PLEC: variants seen among roughly 807,000 people sequenced by gnomAD.
The protein encoded by PLEC is plectin.
In PLEC, 216 loss-of-function variants were observed where a neutral mutation model predicts 392.8. The observed-to-expected ratio is 0.55, with a 90% CI of 0.49 to 0.62. The LOEUF is 0.62. Among genes scored for constraint, PLEC ranks in the 20% least tolerant of loss-of-function variants. PLEC has a pLI of 0.00. For synonymous variants in PLEC, 3,621 were observed against 2,980.6 expected (o/e 1.21, Z -7.00); for missense variants, 6,863 against 6,563.4 (o/e 1.05, Z -1.58).
intron 12 of PLEC, 82 bp from the exon 13 acceptor site, chr8:143,933,433 A>T: frequency 6.4e-7 from 1 of 1,552,586 alleles, no homozygotes; most frequent in South Asian, 1.1e-5. Flanking sequence ...GGCCACCCTC[A>T]GCCGCTTCCT....
chr8:143,946,758 C>T (rs1554732511), intron 1 of PLEC, among the ~76,000 whole-genome samples: 2 of 134,528 alleles, frequency 1.5e-5, no homozygotes, highest in South Asian at 2.9e-4. Context: ...CCTGCCCTCC[C>T]ACCCTCCCAC....
chr8:143,930,151 C>T lies in PLEC; in HGVS notation c.2605G>A (p.Val869Ile), dbSNP rs782050689. ...PPPNQEAQEA[V>I]TRLEAQHQAL... is the part of the protein sequence containing the mutation. ...TGAGCCCCCGCCACCCACCTGGTGA[C>T]GGCCTCCTGGGCCTCCTGGTTGGGC... Residue 869 changes from valine (V) to isoleucine (I), a missense_variant, in exon 21 of 32, where the codon GTC becomes ATC. By Grantham distance (29) the Val-to-Ile change is conservative. Transcript: ENST00000345136. 2.7e-5 allele frequency: 43 copies of T among 1,583,602 alleles called. No homozygotes were observed. Among genetic ancestry groups the T allele is most frequent in the African/African-American group, 9.4e-5 (7 of 74,556 alleles).
At chr8:143,959,081 G>C (rs1357501268) in intron 1 of PLEC, among the ~76,000 whole-genome samples, 4 of 152,316 alleles carry the variant, frequency 2.6e-5, no homozygotes, top group African/African-American at 9.6e-5. Context: ...TAGCACAGCG[G>C]GGCACCCTCC....
chr8:143,919,489 G>A lies in PLEC; in HGVS notation c.10332C>T (p.Thr3444=), dbSNP rs782488401. The change falls in exon 32 of 32, where the codon ACC becomes ACT. Residue 3444 remains threonine, a synonymous_variant. Coordinates refer to ENST00000345136, the MANE Select transcript of PLEC (RefSeq NM_201384.3). The part of the protein sequence containing the change: ...TGYRDPYSGS[T]ISLFQAMQKG... ...TCTGCATGGCCTGGAAGAGGGAGAT[G>A]GTGCTGCCCGAGTAGGGGTCTCTGT... The A allele has an allele frequency of 6.8e-6, 11 of 1,613,136 alleles. No homozygotes were observed. The highest frequency in any genetic ancestry group is 1.3e-5 in the African/African-American group (1 of 75,058).
chr8:143,927,588 G>A lies in PLEC; in HGVS notation c.3578C>T (p.Ala1193Val). 3 of 1,588,410 alleles carry A rather than the reference G, an allele frequency of 1.9e-6. No individual in the cohort carries two copies. In the South Asian group the frequency reaches 3.3e-5, roughly 18 times the overall value. ...CTCGCGCTGCCGCACGTCGGTCTGGGCCAGCACAGCCTGCCAGCGCTCAAG... is the reference window on the plus strand; with the variant it reads ...CTCGCGCTGCCGCACGTCGGTCTGGACCAGCACAGCCTGCCAGCGCTCAAG... ...QLLERWQAVL[A>V]QTDVRQRELE... The change falls in exon 27 of 32, where the codon GCC (alanine) becomes GTC (valine). Residue 1193 changes from alanine to valine, a missense_variant. By Grantham distance (64) the Ala-to-Val change is moderately conservative. Transcript: ENST00000345136.
At position 143,920,045 on chromosome 8, in the gene PLEC, G is replaced by C; in HGVS notation, c.9776C>G (p.Ser3259Cys). ...CCGCTGCTCCGCAGTGAAGTACTCA[G>C]AGCTGATGAGCTCCCACACCGTCAC... is the stretch of plus-strand genomic sequence containing the variant. ...RTVTVWELISSEYFTAEQRQE... is the reference protein window; with the variant it reads ...RTVTVWELISCEYFTAEQRQE... The change falls in exon 32 of 32, where the codon TCT becomes TGT. Residue 3259 changes from serine (S) to cysteine (C), a missense_variant. Coordinates refer to ENST00000345136, the MANE Select transcript of PLEC (RefSeq NM_201384.3). The C allele has an allele frequency of 6.2e-7, 1 of 1,613,344 alleles. No individual in the cohort carries two copies. Among genetic ancestry groups the C allele is most frequent in the Non-Finnish European group, 8.5e-7 (1 of 1,180,034 alleles).
At chr8:143,943,017 G>A (rs1830791565), upstream of PLEC, among the ~76,000 whole-genome samples, 3 of 152,208 alleles carry the variant, frequency 2.0e-5, no homozygotes, top group South Asian at 4.1e-4. Flanking sequence ...CAAAAACATG[G>A]ATGGGGAAGA....
rs1554691452 is a variant in PLEC, at chr8:143,923,141, T to G, written c.6788A>C (p.Gln2263Pro). The G allele has an allele frequency of 6.2e-7, 1 of 1,603,376 alleles. No homozygotes were observed. The highest frequency in any genetic ancestry group is 2.2e-5 in the East Asian group (1 of 44,860). Reference sequence around the variant, plus strand: ...CTCAGCCTCCTCCTGCAGGAAGCGCTGCGTATTGTCCTTGTCACGCAAGAT... The same window carrying G: ...CTCAGCCTCCTCCTGCAGGAAGCGCGGCGTATTGTCCTTGTCACGCAAGAT... ...ALILRDKDNTQRFLQEEAEKM... is the reference protein window; with the variant it reads ...ALILRDKDNTPRFLQEEAEKM... Residue 2263 changes from glutamine to proline, a missense_variant, in exon 31 of 32, where the codon CAG becomes CCG. Coordinates refer to ENST00000345136, the MANE Select transcript of PLEC (RefSeq NM_201384.3).
Position 143,930,367 on chromosome 8 carries a change from C to T in PLEC, c.2457+17G>A, listed in dbSNP as rs1482122926. ...TGCCTGGCCACGCCCCCCAGTGGAC[C>T]CCCGGCCTGCGCTCACCTCCACCTG... On this transcript the variant is annotated intron_variant, in intron 20 of 31. Transcript: ENST00000345136. 3.2e-6 allele frequency: 5 copies of T among 1,574,834 alleles called. No individual in the cohort carries two copies. In the African/African-American group the frequency reaches 6.7e-5, roughly 21 times the overall value.
intron 1 of PLEC, among the ~76,000 whole-genome samples, chr8:143,963,888 C>T (rs1832972696): frequency 6.6e-6 from 1 of 150,914 alleles, no homozygotes; most frequent in Admixed American, 6.6e-5. Context: ...TCTCGGCCCA[C>T]TGAAACCTCT....
rs559126688 is a variant in PLEC, at chr8:143,937,253, G to A, written c.265-11C>T. 1.2e-6 allele frequency: 2 copies of A among 1,604,120 alleles called. No homozygotes were observed. The highest frequency in any genetic ancestry group is 3.3e-5 in the Admixed American group (2 of 59,990). On this transcript the variant is annotated splice_polypyrimidine_tract_variant and intron_variant, in intron 3 of 31. Transcript: ENST00000345136. The stretch of plus-strand genomic sequence containing the variant: ...CCCCTTCTCCCGGGGCTGTGGGGAG[G>A]CACAGTCAGCACCCACAGTGCAGCT...
rs559437791 is a variant in PLEC, at chr8:143,923,487, G to A, written c.6442C>T (p.Arg2148Trp). ...LRKEAEQEAARRAQAEQAALR... is the reference protein window; with the variant it reads ...LRKEAEQEAAWRAQAEQAALR... ...GCCGCCTGCTCCGCCTGTGCCCGCC[G>A]CGCCGCCTCTTGCTCGGCCTCCTTG... The change falls in exon 31 of 32, where the codon CGG becomes TGG. Residue 2148 changes from arginine to tryptophan, a missense_variant. Transcript: ENST00000345136. 2.5e-5 allele frequency: 40 copies of A among 1,601,194 alleles called. No homozygotes were observed. Among genetic ancestry groups the A allele is most frequent in the South Asian group, 1.2e-4 (11 of 90,622 alleles).
At position 143,926,866 on chromosome 8, in the gene PLEC, G is replaced by A. The variant is rs782146862; in HGVS notation, c.3962C>T (p.Thr1321Met). 63 of 1,613,200 alleles carry A rather than the reference G, an allele frequency of 3.9e-5. No individual in the cohort carries two copies. Among genetic ancestry groups the A allele is most frequent in the South Asian group, 2.3e-4 (21 of 91,086 alleles). Reference sequence around the variant, plus strand: ...CAGTGTGGTCAGCTCGCTGTAGTGCGTACGCAGGTCCACGTACTGTGGAGT... The same window carrying A: ...CAGTGTGGTCAGCTCGCTGTAGTGCATACGCAGGTCCACGTACTGTGGAGT... ...SVIQEYVDLRTHYSELTTLTS... is the reference protein window; with the variant it reads ...SVIQEYVDLRMHYSELTTLTS... Residue 1321 changes from threonine (T) to methionine (M), a missense_variant, in exon 30 of 32, where the codon ACG becomes ATG. Physicochemically the swap from Thr to Met is moderately conservative, Grantham distance 81. Transcript: ENST00000345136.
At chr8:143,934,170 G>A (rs528491535) in intron 11 of PLEC, 79 bp from the exon 12 acceptor site, 43 of 1,585,372 alleles carry the variant, frequency 2.7e-5, no homozygotes, top group African/African-American at 2.1e-4. Context: ...CTCGCCTCCC[G>A]CTCCGGTCTC....
Position 143,969,912 on chromosome 8 carries a change from GC to G in PLEC, c.70+3490del. Among the ~76,000 whole-genome samples the G allele has an allele frequency of 6.6e-6, 1 of 151,988 alleles. No individual in the cohort carries two copies. Among genetic ancestry groups the G allele is most frequent in the East Asian group, 1.9e-4 (1 of 5,140 alleles). On this transcript the variant is annotated intron_variant, in intron 1 of 31. Transcript: ENST00000356346. This position sits in a 1 kb window ranked among gnomAD's most constrained non-coding sequence, Gnocchi z 5.1. ...GTGGGGCAGGGGCCAGGGGTGGGAG[GC>G]CTGCATTGGTCTGGGGGAAAAGCGG...
intron 5 of PLEC, among the ~76,000 whole-genome samples, chr8:143,936,464 G>A (rs569458710): frequency 1.3e-5 from 2 of 152,336 alleles, no homozygotes; most frequent in East Asian, 3.9e-4. Flanking sequence ...ATCGATGGTT[G>A]CAGGCTGGCA....
intron 19 of PLEC, 95 bp downstream of exon 19, chr8:143,931,439 G>A: frequency 7.4e-7 from 1 of 1,343,026 alleles, no homozygotes; most frequent in East Asian, 2.5e-5. Flanking sequence ...ACTCCTGCTG[G>A]CCCCTCCAGT....
In PLEC at chr8:143,917,590, G is replaced by A. The variant is rs140538836; in HGVS notation, c.12231C>T (p.Asn4077=). 2.4e-5 allele frequency: 39 copies of A among 1,613,854 alleles called. No homozygotes were observed. The highest frequency in any genetic ancestry group is 5.3e-5 in the African/African-American group (4 of 75,058). The change falls in exon 32 of 32, where the codon AAC becomes AAT. Residue 4077 remains asparagine, a synonymous_variant. Transcript: ENST00000345136. ...YKRGLFDEEM[N]EILTDPSDDT... ...CGTCCGAGGGGTCGGTCAGGATCTC[G>A]TTCATCTCCTCATCGAAGAGGCCGC...
rs1833281522 is a variant in PLEC, at chr8:143,969,191, G to A, written c.70+4212C>T. On this transcript the variant is annotated intron_variant, in intron 1 of 31. Coordinates refer to the PLEC transcript ENST00000356346. This position sits in a 1 kb window ranked among gnomAD's most constrained non-coding sequence, Gnocchi z 5.1. ...GACTCCAGCGGGGGGAGGGTGAGGTGCTGATGGCGCGGCGATGTGAGCAGC... is the reference window on the plus strand; with the variant it reads ...GACTCCAGCGGGGGGAGGGTGAGGTACTGATGGCGCGGCGATGTGAGCAGC... Among the ~76,000 whole-genome samples, 2 of 152,324 alleles carry A rather than the reference G, an allele frequency of 1.3e-5. No homozygotes were observed. Among genetic ancestry groups the A allele is most frequent in the South Asian group, 4.2e-4 (2 of 4,818 alleles).
Sources: allele counts gnomAD v4.1 joint callset (sites outside exome capture counted in the v4.1 genomes callset), GRCh38; gene constraint gnomAD v4.1.1; non-coding constraint Gnocchi (gnomAD v3.1); transcripts MANE v1.5; gene names NCBI Gene and HGNC (gene_info 2026-07-23, HGNC 2026-07-21).